The following CSMD1 variants were observed in gnomAD, a reference collection of about 807,000 sequenced individuals.
CSMD1 encodes the protein CUB and Sushi multiple domains 1, also known as CUB and sushi domain-containing protein 1.
A neutral mutation model predicts 417.5 loss-of-function variants in CSMD1; 213 were observed. The observed-to-expected ratio is 0.51, with a 90% confidence interval of 0.46 to 0.57. The LOEUF (loss-of-function observed/expected upper bound fraction) is 0.57. CSMD1 is among the 20% of genes least tolerant of loss of function. The pLI, the probability that CSMD1 is intolerant of heterozygous loss-of-function variation, is 0.00. For missense variants in CSMD1, 6,923 were observed against 4,529.7 expected (o/e 1.53, Z -15.17); for synonymous variants, 2,862 against 1,736.8 (o/e 1.65, Z -16.11).
intron 7 of CSMD1, among the ~76,000 whole-genome samples, chr8:3,644,636 T>C (rs1418074096): frequency 1.3e-5 from 2 of 152,060 alleles, no homozygotes; most frequent in East Asian, 3.9e-4. Flanking sequence ...AGACCCCTAT[T>C]ACCTTCAGTA....
At chr8:3,791,328 A>G (rs1369633024) in intron 5 of CSMD1, among the ~76,000 whole-genome samples, 1 of 152,228 alleles carries the variant, frequency 6.6e-6, no homozygotes, top group Non-Finnish European at 1.5e-5. Flanking sequence ...GTATAGTAGA[A>G]TTTCATAGGA....
At chr8:3,969,707 G>A (rs778992891) in intron 5 of CSMD1, among the ~76,000 whole-genome samples, 2 of 152,270 alleles carry the variant, frequency 1.3e-5, no homozygotes, top group Admixed American at 6.5e-5. Context: ...CACACCAAAG[G>A]ATGATTTTGA....
At chr8:3,322,849 T>C (rs11774694) in intron 23 of CSMD1, among the ~76,000 whole-genome samples, 18,919 of 152,242 alleles carry the variant, frequency 0.12, 2,514 homozygotes, top group African/African-American at 0.33. Flanking sequence ...ACAAAGGAAA[T>C]TGATTTCTGG....
At chr8:4,353,176 A>T (rs1367467937) in intron 3 of CSMD1, among the ~76,000 whole-genome samples, 1 of 152,178 alleles carries the variant, frequency 6.6e-6, no homozygotes. Flanking sequence ...AATTGTAATA[A>T]TCCCCACGTG....
At chr8:4,500,835 C>T (rs904528139) in intron 2 of CSMD1, among the ~76,000 whole-genome samples, 2 of 152,098 alleles carry the variant, frequency 1.3e-5, no homozygotes, top group Non-Finnish European at 1.5e-5. Flanking sequence ...AGGTCCATTG[C>T]CTGGAGGATT....
intron 3 of CSMD1, among the ~76,000 whole-genome samples, chr8:4,043,027 G>T (rs958870917): frequency 6.6e-6 from 1 of 151,928 alleles, no homozygotes; most frequent in African/African-American, 2.4e-5. Flanking sequence ...AGCTACTTGG[G>T]AGGTTGAAGC....
At chr8:3,682,503 C>G (rs888622254) in intron 7 of CSMD1, among the ~76,000 whole-genome samples, 1 of 152,130 alleles carries the variant, frequency 6.6e-6, no homozygotes, top group African/African-American at 2.4e-5. Context: ...TACCATCTCA[C>G]AACAGTTGGA....
intron 2 of CSMD1, among the ~76,000 whole-genome samples, chr8:4,631,610 G>A (rs1457145784): frequency 6.6e-6 from 1 of 152,068 alleles, no homozygotes; most frequent in Non-Finnish European, 1.5e-5. Flanking sequence ...TTTTGTCATG[G>A]TGTGTAACCT....
chr8:3,184,717 G>C (rs113510093), intron 36 of CSMD1, among the ~76,000 whole-genome samples: 1 of 152,186 alleles, frequency 6.6e-6, no homozygotes, highest in Non-Finnish European at 1.5e-5. Context: ...ATCCTATGGA[G>C]ATGGGGAAAT....
At chr8:3,618,061 G>C (rs1294295323) in intron 7 of CSMD1, among the ~76,000 whole-genome samples, 1 of 151,998 alleles carries the variant, frequency 6.6e-6, no homozygotes, top group Non-Finnish European at 1.5e-5. Context: ...GAGTGCAGTG[G>C]CACAATCATG....
intron 49 of CSMD1, 53 bp from the exon 50 acceptor site, chr8:3,052,700 G>T: frequency 9.4e-6 from 12 of 1,273,490 alleles, no homozygotes; most frequent in South Asian, 3.4e-5. Flanking sequence ...TTATTTTCCA[G>T]CTATTAAAAC....
chr8:3,181,267 C>A, intron 36 of CSMD1, 53 bp from the exon 37 acceptor site: 2 of 1,228,792 alleles, frequency 1.6e-6, no homozygotes, highest in Non-Finnish European at 2.4e-6. Context: ...ATTCACTTTT[C>A]TAAATATAAA....
chr8:3,378,370 A>T (rs1166606675), intron 18 of CSMD1, among the ~76,000 whole-genome samples: 2 of 152,206 alleles, frequency 1.3e-5, no homozygotes, highest in Non-Finnish European at 2.9e-5. Flanking sequence ...GACAATAAAA[A>T]AGAGGGACTC....
intron 12 of CSMD1, among the ~76,000 whole-genome samples, chr8:3,445,425 T>A (rs1815237315): frequency 6.6e-6 from 1 of 152,146 alleles, no homozygotes; most frequent in South Asian, 2.1e-4. Context: ...TGCAGATAGT[T>A]CTCAGAAAGA....
chr8:3,521,048 T>C lies in CSMD1; in HGVS notation c.1345-27322A>G, dbSNP rs187302206. ...TCTTCACCTGTCACCCCTAGAACTTTATGCCTCCAGTCACACACAACCTCT... is the reference window on the plus strand; with the variant it reads ...TCTTCACCTGTCACCCCTAGAACTTCATGCCTCCAGTCACACACAACCTCT... On this transcript the variant is annotated intron_variant, in intron 10 of 69. Coordinates refer to ENST00000635120, the MANE Select transcript of CSMD1 (RefSeq NM_033225.6). Among the ~76,000 whole-genome samples the C allele has an allele frequency of 4.6e-5, 7 of 152,336 alleles. No individual in the cohort carries two copies. The East Asian group carries it at 9.7e-4, about 21-fold the overall frequency.
chr8:4,022,504 T>A (rs1261342464), intron 4 of CSMD1, among the ~76,000 whole-genome samples: 1 of 152,222 alleles, frequency 6.6e-6, no homozygotes, highest in Non-Finnish European at 1.5e-5. Flanking sequence ...CGAAGCAACA[T>A]TTGGTAGAAA....
intron 3 of CSMD1, among the ~76,000 whole-genome samples, chr8:4,206,179 T>G (rs1799965625): frequency 1.3e-5 from 2 of 152,050 alleles, no homozygotes; most frequent in Non-Finnish European, 2.9e-5. Context: ...AAATACATGC[T>G]GAAAAATGAG....
rs974071220 is a variant in CSMD1, at chr8:3,932,897, T to C, written c.818+65006A>G. Among the ~76,000 whole-genome samples the C allele has an allele frequency of 8.0e-5, 12 of 150,584 alleles. 1 individual carries two copies. Among genetic ancestry groups the C allele is most frequent in the South Asian group, 2.1e-4 (1 of 4,698 alleles). ...AATGTTTTTGAATTTTCTATTCCAA[T>C]AGCAACACACTTCTATTTAGTAAAG... is the stretch of plus-strand genomic sequence containing the variant. On this transcript the variant is annotated intron_variant, in intron 5 of 69. Coordinates refer to ENST00000635120, the MANE Select transcript of CSMD1 (RefSeq NM_033225.6).
intron 7 of CSMD1, among the ~76,000 whole-genome samples, chr8:3,702,760 A>T (rs1800940400): frequency 6.6e-6 from 1 of 152,210 alleles, no homozygotes. Context: ...GGAACCTGGG[A>T]GGTGCAGGTT....
Sources: allele counts gnomAD v4.1 joint callset (sites outside exome capture counted in the v4.1 genomes callset), GRCh38; gene constraint gnomAD v4.1.1; transcripts MANE v1.5; gene names NCBI Gene and HGNC (gene_info 2026-07-23, HGNC 2026-07-21).